The following LARP6 variants were observed in gnomAD, a reference collection of about 807,000 sequenced individuals.
LARP6 encodes La ribonucleoprotein 6, translational regulator.
LARP6 carries 18 observed loss-of-function variants against 32.8 expected under a neutral mutation model. That is an observed-to-expected ratio of 0.55 (90% CI 0.38 to 0.81). LARP6 has a LOEUF of 0.81. Ranked by LOEUF, LARP6 falls within the 40% of genes least tolerant of loss-of-function variation. LARP6 has a pLI of 0.00. For missense variants in LARP6, 598 were observed against 663.1 expected (o/e 0.90, Z 1.08); for synonymous variants, 289 against 267.2 (o/e 1.08, Z -0.80).
chr15:70,848,387 C>T (rs1224617068), intron 1 of LARP6, among the ~76,000 whole-genome samples: 1 of 152,156 alleles, frequency 6.6e-6, no homozygotes, highest in Non-Finnish European at 1.5e-5. Context: ...GGAGTAGAGA[C>T]TACGTATATC....
At position 70,833,126 on chromosome 15, in the gene LARP6, A is replaced by G; in HGVS notation, c.412-10T>C. 6.2e-7 allele frequency: 1 copy of G among 1,609,166 alleles called. No homozygotes were observed. The highest frequency in any genetic ancestry group is 8.5e-7 in the Non-Finnish European group (1 of 1,175,510). ...GTGTAAGATGTTTCACCTGCAGAAC[A>G]TAAAGCAAATCTGAAATAGTATCTA... On this transcript the variant is annotated splice_polypyrimidine_tract_variant and intron_variant, in intron 2 of 2. Transcript: ENST00000299213.
At chr15:70,844,461 C>T (rs573841981) in intron 1 of LARP6, among the ~76,000 whole-genome samples, 50 of 152,162 alleles carry the variant, frequency 3.3e-4, no homozygotes, top group South Asian at 2.5e-3. Flanking sequence ...TCATTCCATT[C>T]GGTAACTAAT....
At chr15:70,836,526 C>T (rs377291197) in intron 1 of LARP6, 21 bp from the exon 2 acceptor site, 118 of 1,605,316 alleles carry the variant, frequency 7.4e-5, no homozygotes, top group East Asian at 4.9e-4. Context: ...AAGGAGACAC[C>T]GGGTGTTAGG....
chr15:70,847,371 A>T (rs1335746837), intron 1 of LARP6, among the ~76,000 whole-genome samples: 2 of 145,110 alleles, frequency 1.4e-5, no homozygotes, highest in Non-Finnish European at 3.0e-5. Context: ...TCAGTGCTGA[A>T]TTTTTTTTTT....
Position 70,832,035 on chromosome 15 carries a change from T to G in LARP6, c.*17A>C. Reference sequence around the variant, plus strand: ...AAGGTGGTTTTCAGTGGAGCTTGTATTAAAAATAGAAGGTATTTATACACA... The same window carrying G: ...AAGGTGGTTTTCAGTGGAGCTTGTAGTAAAAATAGAAGGTATTTATACACA... On this transcript the variant is annotated 3_prime_UTR_variant, in exon 3 of 3. Transcript: ENST00000299213. The G allele has an allele frequency of 6.9e-7, 1 of 1,454,194 alleles. No homozygotes were observed. The allele number at this position is 1,454,194 out of a possible 1,614,324, so 90.1% of individuals were successfully genotyped here. A position where few individuals can be genotyped will look rare whatever the true frequency, so the allele number is the denominator to read the frequency against.
rs761513596 is a variant in LARP6 at position 70,832,753 on chromosome 15, C to T, written c.775G>A (p.Ala259Thr). The T allele has an allele frequency of 1.3e-6, 2 of 1,598,552 alleles. No homozygotes were observed. The highest frequency in any genetic ancestry group is 1.8e-5 in the Admixed American group (1 of 56,872). ...RYSQVGTQEC[A>T]IVEFEEVEAA... ...TCCACCTCCTCGAACTCCACGATGG[C>T]GCACTCCTGGGTCCCCACTTGGCTG... The change falls in exon 3 of 3, where the codon GCC becomes ACC. Residue 259 changes from alanine (A) to threonine (T), a missense_variant. Ala to Thr is a moderately conservative substitution (Grantham distance 58). Coordinates refer to ENST00000299213, the MANE Select transcript of LARP6 (RefSeq NM_018357.4).
chr15:70,850,882 A>C (rs1425406933), intron 1 of LARP6, among the ~76,000 whole-genome samples: 1 of 152,162 alleles, frequency 6.6e-6, no homozygotes, highest in Non-Finnish European at 1.5e-5. Context: ...ATTCAACAAG[A>C]TGTCTGACCT....
At position 70,831,509 on chromosome 15, in the gene LARP6, T is replaced by C. The variant is rs957236870; in HGVS notation, c.*543A>G. The stretch of plus-strand genomic sequence containing the variant: ...AGCTCTGTCAGACAGGCACAGACTT[T>C]TGTCAGGCACAATCTATAACCTCAA... On this transcript the variant is annotated 3_prime_UTR_variant, in exon 3 of 3. Transcript: ENST00000299213. The C allele has an allele frequency of 2.0e-5, 3 of 152,290 alleles. No homozygotes were observed. Among genetic ancestry groups the C allele is most frequent in the Admixed American group, 2.0e-4 (3 of 15,288 alleles). The allele number at this position is 152,290 out of a possible 1,614,324, so 9.4% of individuals were successfully genotyped here. A position where few individuals can be genotyped will look rare whatever the true frequency, so the allele number is the denominator to read the frequency against.
intron 1 of LARP6, among the ~76,000 whole-genome samples, chr15:70,850,526 A>G (rs2032429744): frequency 1.3e-5 from 2 of 152,258 alleles, no homozygotes; most frequent in Admixed American, 1.3e-4. Flanking sequence ...CCTGGGATGC[A>G]TGCATGGATC....
chr15:70,844,561 C>T lies in LARP6; in HGVS notation c.201-8056G>A, dbSNP rs562281756. Among the ~76,000 whole-genome samples, 4 of 152,292 alleles carry T rather than the reference C, an allele frequency of 2.6e-5. No homozygotes were observed. The South Asian group carries it at 8.3e-4, about 32-fold the overall frequency. On this transcript the variant is annotated intron_variant, in intron 1 of 2. Transcript: ENST00000299213. The stretch of plus-strand genomic sequence containing the variant: ...ATGACTATGTAAACACTGTTCCCTA[C>T]AGGGCTAAGTCATTTGCTAAGATTA...
Position 70,833,109 on chromosome 15 carries a change from T to A in LARP6, c.419A>T (p.His140Leu). 3.7e-6 allele frequency: 6 copies of A among 1,613,828 alleles called. No homozygotes were observed. Among genetic ancestry groups the A allele is most frequent in the Non-Finnish European group, 5.1e-6 (6 of 1,179,740 alleles). ...KLLTSFKKVK[H>L]LTRDWRTTAH... is the part of the protein sequence containing the mutation. Reference sequence around the variant, plus strand: ...TGTGGTTCTCCAGTCCCGTGTAAGATGTTTCACCTGCAGAACATAAAGCAA... The same window carrying A: ...TGTGGTTCTCCAGTCCCGTGTAAGAAGTTTCACCTGCAGAACATAAAGCAA... The change falls in exon 3 of 3, where the codon CAT becomes CTT. Residue 140 changes from histidine to leucine, a missense_variant. Coordinates refer to ENST00000299213, the MANE Select transcript of LARP6 (RefSeq NM_018357.4).
intron 1 of LARP6, among the ~76,000 whole-genome samples, chr15:70,840,912 CTTT>C (rs71438504): frequency 5.7e-5 from 8 of 139,488 alleles, no homozygotes; most frequent in African/African-American, 1.1e-4. Context: ...TCTTTTCTCT[CTTT>C]TTTTTTTTTT....
chr15:70,838,642 G>A (rs1475189349), intron 1 of LARP6, among the ~76,000 whole-genome samples: 1 of 152,166 alleles, frequency 6.6e-6, no homozygotes, highest in East Asian at 1.9e-4. Context: ...ATCCTGGACA[G>A]AGCTTCCTTA....
At chr15:70,843,736 A>G (rs1463106137) in intron 1 of LARP6, among the ~76,000 whole-genome samples, 1 of 138,840 alleles carries the variant, frequency 7.2e-6, no homozygotes, top group African/African-American at 2.7e-5. Flanking sequence ...GCTCACTGCA[A>G]CCTCTGCCTC....
At chr15:70,836,541 A>G (rs2032152124) in intron 1 of LARP6, 36 bp from the exon 2 acceptor site, 2 of 1,562,046 alleles carry the variant, frequency 1.3e-6, no homozygotes, top group South Asian at 1.1e-5. Flanking sequence ...GTTAGGGTCA[A>G]CGTTGAACTG....
At position 70,832,126 on chromosome 15, in the gene LARP6, C is replaced by A. The variant is rs1286067782; in HGVS notation, c.1402G>T (p.Val468Leu). The change falls in exon 3 of 3, where the codon GTG becomes TTG. Residue 468 changes from valine to leucine, a missense_variant. Val to Leu is a conservative substitution (Grantham distance 32). Transcript: ENST00000299213. Reference protein sequence around the residue: ...MQTADGLPVGVLRLPRGPDNT... With the variant: ...MQTADGLPVGLLRLPRGPDNT... ...TCAGGACCCCTGGGCAACCTCAGCACCCCTACGGGTAGCCCATCTGCAGTC... is the reference window on the plus strand; with the variant it reads ...TCAGGACCCCTGGGCAACCTCAGCAACCCTACGGGTAGCCCATCTGCAGTC... 5 of 1,603,250 alleles carry A rather than the reference C, an allele frequency of 3.1e-6. No homozygotes were observed. Among genetic ancestry groups the A allele is most frequent in the South Asian group, 1.1e-5 (1 of 89,006 alleles).
At chr15:70,846,114 A>G (rs950914956) in intron 1 of LARP6, among the ~76,000 whole-genome samples, 5 of 152,116 alleles carry the variant, frequency 3.3e-5, no homozygotes, top group African/African-American at 1.2e-4. Flanking sequence ...ATATTTCCCA[A>G]CCAGAGTCTT....
chr15:70,842,807 T>C (rs2032280698), intron 1 of LARP6, among the ~76,000 whole-genome samples: 1 of 152,126 alleles, frequency 6.6e-6, no homozygotes, highest in African/African-American at 2.4e-5. Context: ...GGAGGTGATA[T>C]AAACCCCTAT....
At chr15:70,845,844 GA>G (rs1304775576) in intron 1 of LARP6, among the ~76,000 whole-genome samples, 1 of 152,252 alleles carries the variant, frequency 6.6e-6, no homozygotes, top group South Asian at 2.1e-4. Flanking sequence ...AGCAGGCAGG[GA>G]ATGATTAAGC....
Sources: allele counts gnomAD v4.1 joint callset (sites outside exome capture counted in the v4.1 genomes callset), GRCh38; gene constraint gnomAD v4.1.1; transcripts MANE v1.5; gene names NCBI Gene and HGNC (gene_info 2026-07-23, HGNC 2026-07-21).